Variants in ASIC2 observed in about 807,000 individuals in gnomAD.
The protein encoded by ASIC2 is acid sensing ion channel subunit 2, also known as acid-sensing ion channel 2.
A neutral mutation model predicts 57.3 loss-of-function variants in ASIC2; 25 were observed. That is an observed-to-expected ratio of 0.44 (90% CI 0.32 to 0.61). The LOEUF is 0.61. Among genes scored for constraint, ASIC2 ranks in the 20% least tolerant of loss-of-function variants. The probability of loss-of-function intolerance (pLI) is 0.06; values close to 1 mark genes in which losing one functional copy is unlikely to be tolerated. For missense variants in ASIC2, 641 were observed against 738.1 expected (o/e 0.87, Z 1.52); for synonymous variants, 319 against 307.5 (o/e 1.04, Z -0.39).
intron 1 of ASIC2, among the ~76,000 whole-genome samples, chr17:34,007,937 C>G (rs1293408917): frequency 2.0e-5 from 3 of 152,166 alleles, no homozygotes; most frequent in Admixed American, 6.5e-5. Flanking sequence ...TCCCCCACCC[C>G]CTCCAACACA....
chr17:33,443,325 G>T (rs1300642981), intron 1 of ASIC2, among the ~76,000 whole-genome samples: 2 of 145,492 alleles, frequency 1.4e-5, no homozygotes, highest in East Asian at 4.1e-4. Flanking sequence ...ATTGGGTATT[G>T]TTTCTTCTTT....
At chr17:33,648,979 G>T (rs138719120) in intron 1 of ASIC2, among the ~76,000 whole-genome samples, 26 of 152,266 alleles carry the variant, frequency 1.7e-4, no homozygotes, top group African/African-American at 6.0e-4. Flanking sequence ...CTGAAAGACC[G>T]AATACCTTCC....
At chr17:33,155,564 C>CTTTCT (rs1555575045) in intron 1 of ASIC2, among the ~76,000 whole-genome samples, 7 of 130,808 alleles carry the variant, frequency 5.4e-5, no homozygotes, top group Non-Finnish European at 7.9e-5. Flanking sequence ...TTCTTTCTTT[C>CTTTCT]TTTTTTTTTT....
intron 1 of ASIC2, among the ~76,000 whole-genome samples, chr17:33,314,518 C>T (rs1906562876): frequency 6.6e-6 from 1 of 152,142 alleles, no homozygotes; most frequent in Non-Finnish European, 1.5e-5. Flanking sequence ...CCTAGTACTT[C>T]AGTTCTGAAA....
intron 1 of ASIC2, among the ~76,000 whole-genome samples, chr17:33,611,276 G>A (rs1905401074): frequency 6.6e-6 from 1 of 152,122 alleles, no homozygotes; most frequent in African/African-American, 2.4e-5. Flanking sequence ...AAAAAGTACT[G>A]GTTTTGGCTC....
intron 1 of ASIC2, chr17:33,834,279 G>A (rs1913203954): frequency 6.6e-6 from 1 of 152,252 alleles, no homozygotes; most frequent in Admixed American, 6.5e-5. Context: ...GCCAGGGCAG[G>A]GAGTTTTAGT....
chr17:33,146,214 AC>A (rs1171792491), intron 1 of ASIC2, among the ~76,000 whole-genome samples: 1 of 152,196 alleles, frequency 6.6e-6, no homozygotes, highest in Non-Finnish European at 1.5e-5. Flanking sequence ...GGGAAAAGCT[AC>A]CACCCACAGG....
chr17:33,773,534 T>C (rs907836288), intron 1 of ASIC2, among the ~76,000 whole-genome samples: 1 of 152,160 alleles, frequency 6.6e-6, no homozygotes, highest in African/African-American at 2.4e-5. Context: ...TCTCTAATTC[T>C]AGTCATTTTC....
chr17:33,961,920 G>C (rs1193650007), intron 1 of ASIC2, among the ~76,000 whole-genome samples: 1 of 152,170 alleles, frequency 6.6e-6, no homozygotes, highest in Non-Finnish European at 1.5e-5. Context: ...AGCCAACTCA[G>C]GAAGCTACCT....
At chr17:33,853,054 A>T (rs1187495283) in intron 1 of ASIC2, among the ~76,000 whole-genome samples, 1 of 152,156 alleles carries the variant, frequency 6.6e-6, no homozygotes, top group East Asian at 1.9e-4. Context: ...TCTCACCCAC[A>T]CAAGTGAGTT....
intron 1 of ASIC2, among the ~76,000 whole-genome samples, chr17:33,518,813 T>G (rs1466055568): frequency 6.6e-6 from 1 of 152,006 alleles, no homozygotes; most frequent in East Asian, 1.9e-4. Flanking sequence ...AGTGGCCCTG[T>G]GAGATAACTA....
At chr17:33,588,535 T>C (rs1462891767) in intron 1 of ASIC2, among the ~76,000 whole-genome samples, 1 of 152,224 alleles carries the variant, frequency 6.6e-6, no homozygotes, top group Non-Finnish European at 1.5e-5. Context: ...TTAAGAACTT[T>C]CCATGTGCTA....
intron 1 of ASIC2, among the ~76,000 whole-genome samples, chr17:33,394,971 A>G (rs780884213): frequency 6.6e-6 from 1 of 151,004 alleles, no homozygotes; most frequent in Non-Finnish European, 1.5e-5. Context: ...CCATTTTTCC[A>G]TTCACCCATC....
chr17:34,121,576 G>A (rs1461438231), intron 1 of ASIC2, among the ~76,000 whole-genome samples: 1 of 152,130 alleles, frequency 6.6e-6, no homozygotes, highest in Non-Finnish European at 1.5e-5. Flanking sequence ...GCTGATGCTG[G>A]AGGGACCTTT....
chr17:33,694,305 C>G (rs1908462247), intron 1 of ASIC2, among the ~76,000 whole-genome samples: 1 of 152,206 alleles, frequency 6.6e-6, no homozygotes, highest in Non-Finnish European at 1.5e-5. Flanking sequence ...GGCTCCTCCA[C>G]CGTCAACAGA....
intron 1 of ASIC2, among the ~76,000 whole-genome samples, chr17:34,041,725 A>G (rs904959202): frequency 2.6e-5 from 4 of 152,204 alleles, no homozygotes; most frequent in Admixed American, 1.3e-4. Context: ...CAAAGAAACA[A>G]AGACTTTTAA....
chr17:33,278,332 G>A (rs7214415), intron 1 of ASIC2, among the ~76,000 whole-genome samples: 50,867 of 151,642 alleles, frequency 0.34, 8,698 homozygotes, highest in Admixed American at 0.41. Context: ...TAATCACCTG[G>A]GGGTGTCTGT....
chr17:33,842,171 G>A (rs1480625220), intron 1 of ASIC2, among the ~76,000 whole-genome samples: 3 of 152,160 alleles, frequency 2.0e-5, no homozygotes, highest in Admixed American at 2.0e-4. Flanking sequence ...AGTTTATACA[G>A]CATTTTCACT....
At chr17:33,553,164 G>C (rs964854383) in intron 1 of ASIC2, among the ~76,000 whole-genome samples, 3 of 152,170 alleles carry the variant, frequency 2.0e-5, no homozygotes, top group Non-Finnish European at 4.4e-5. Context: ...CAATGCAGTG[G>C]AGGCACTGCA....
Sources: gnomAD v4.1 joint callset for allele counts (sites outside exome capture counted in the v4.1 genomes callset) on GRCh38, gnomAD v4.1.1 for gene constraint, MANE v1.5 for transcripts, NCBI Gene and HGNC (gene_info 2026-07-23, HGNC 2026-07-21) for gene names.